PHACTR3: variants seen among roughly 807,000 people sequenced by gnomAD.
PHACTR3 encodes phosphatase and actin regulator 3.
A neutral mutation model predicts 66.8 loss-of-function variants in PHACTR3; 16 were observed. The ratio of observed to expected loss-of-function variants is 0.24; its 90% CI spans 0.16 to 0.36. The LOEUF (loss-of-function observed/expected upper bound fraction) is 0.36. Among genes scored for constraint, PHACTR3 ranks in the 10% least tolerant of loss-of-function variants. The pLI is 1.00. For synonymous variants in PHACTR3, 323 were observed against 292.1 expected (o/e 1.11, Z -1.08); for missense variants, 647 against 719.9 (o/e 0.90, Z 1.16).
At chr20:59,787,936 TACAC>T (rs1224631768) in intron 7 of PHACTR3, among the ~76,000 whole-genome samples, 1 of 152,158 alleles carries the variant, frequency 6.6e-6, no homozygotes, top group Admixed American at 6.5e-5. Context: ...CCATCTGAAA[TACAC>T]ACCCACAGAT....
intron 1 of PHACTR3, among the ~76,000 whole-genome samples, chr20:59,667,400 C>T (rs2036029580): frequency 1.3e-5 from 2 of 152,206 alleles, no homozygotes; most frequent in Non-Finnish European, 2.9e-5. Flanking sequence ...CCCAACTAGC[C>T]CGTCTCATTG....
chr20:59,673,855 C>A, intron 1 of PHACTR3, among the ~76,000 whole-genome samples: 1 of 152,270 alleles, frequency 6.6e-6, no homozygotes, highest in South Asian at 2.1e-4. Context: ...CACTCTGCCT[C>A]TCTGAGCCTT....
At chr20:59,612,913 C>A (rs773454217) in intron 1 of PHACTR3, among the ~76,000 whole-genome samples, 1 of 152,146 alleles carries the variant, frequency 6.6e-6, no homozygotes, top group East Asian at 1.9e-4. Flanking sequence ...GGGGAGCCAG[C>A]ACATCACACA....
chr20:59,737,489 C>CGT (rs148487053), intron 1 of PHACTR3, among the ~76,000 whole-genome samples: 14 of 150,386 alleles, frequency 9.3e-5, no homozygotes, highest in African/African-American at 3.4e-4. Flanking sequence ...CGTGCATGTG[C>CGT]GTGTGTGTGT....
chr20:59,799,197 C>T, intron 7 of PHACTR3, among the ~76,000 whole-genome samples: 1 of 7,384 alleles, frequency 1.4e-4, no homozygotes, highest in South Asian at 0.014. Context: ...ATTTCTGGTC[C>T]AAATATGTCC....
At chr20:59,654,130 A>G (rs1317482801) in intron 1 of PHACTR3, among the ~76,000 whole-genome samples, 2 of 152,244 alleles carry the variant, frequency 1.3e-5, no homozygotes, top group Non-Finnish European at 2.9e-5. Context: ...CAGAATTATA[A>G]AAATCTGTGC....
chr20:59,586,590 T>G (rs2033036124), intron 1 of PHACTR3, among the ~76,000 whole-genome samples: 1 of 152,212 alleles, frequency 6.6e-6, no homozygotes, highest in African/African-American at 2.4e-5. Flanking sequence ...TCCTCTTATT[T>G]GTAGATTACT....
chr20:59,722,016 G>A (rs1450385836), intron 1 of PHACTR3, among the ~76,000 whole-genome samples: 1 of 152,112 alleles, frequency 6.6e-6, no homozygotes, highest in African/African-American at 2.4e-5. Context: ...AGATCACAAG[G>A]TCAGGAGATC....
intron 3 of PHACTR3, among the ~76,000 whole-genome samples, chr20:59,750,651 C>T (rs965574948): frequency 6.6e-6 from 1 of 151,718 alleles, no homozygotes; most frequent in South Asian, 2.1e-4. Flanking sequence ...CACGCTGCTG[C>T]GGGAGCCTGG....
chr20:59,766,222 C>T (rs1243011412), intron 4 of PHACTR3, among the ~76,000 whole-genome samples: 1 of 152,168 alleles, frequency 6.6e-6, no homozygotes, highest in Admixed American at 6.5e-5. Flanking sequence ...AGCAGTCATG[C>T]AGAGCACCTG....
At chr20:59,734,294 G>T (rs909066989) in intron 1 of PHACTR3, among the ~76,000 whole-genome samples, 1 of 152,162 alleles carries the variant, frequency 6.6e-6, no homozygotes, top group African/African-American at 2.4e-5. Flanking sequence ...GTCTTGCTCT[G>T]TTGCCCAGGC....
intron 1 of PHACTR3, among the ~76,000 whole-genome samples, chr20:59,641,634 G>A (rs75744139): frequency 0.016 from 2,429 of 152,216 alleles, 60 homozygotes; most frequent in African/African-American, 0.056. Context: ...ACTCCCTCAT[G>A]GGCACCCAAA....
At chr20:59,622,659 G>A (rs543643046) in intron 1 of PHACTR3, among the ~76,000 whole-genome samples, 1 of 152,216 alleles carries the variant, frequency 6.6e-6, no homozygotes, top group East Asian at 1.9e-4. Context: ...ACACAGAGAG[G>A]CCGTGTGTGT....
At position 59,728,342 on chromosome 20, in the gene PHACTR3, G is replaced by A. The variant is rs182836714; in HGVS notation, c.119-14765G>A. Among the ~76,000 whole-genome samples, 205 of 152,168 alleles carry A rather than the reference G, an allele frequency of 1.3e-3. 1 individual carries two copies. The highest frequency in any genetic ancestry group is 2.5e-3 in the Non-Finnish European group (168 of 68,006). On this transcript the variant is annotated intron_variant, in intron 1 of 12. Transcript: ENST00000371015. ...TGCAGTCATTGTGGAAAACAATTGG[G>A]TGGTTCTTGGAAATGTGAAATATAG...
At chr20:59,737,372 G>A (rs2038982390) in intron 1 of PHACTR3, among the ~76,000 whole-genome samples, 1 of 152,208 alleles carries the variant, frequency 6.6e-6, no homozygotes. Context: ...TGGCACTGGA[G>A]ATACAGCTGC....
chr20:59,845,992 C>CA (rs1486445662), intron 12 of PHACTR3, among the ~76,000 whole-genome samples: 2 of 152,094 alleles, frequency 1.3e-5, no homozygotes, highest in Non-Finnish European at 2.9e-5. Flanking sequence ...TATTTCCCCC[C>CA]ACTTCTTTTC....
chr20:59,603,011 G>T (rs2033524338), upstream of PHACTR3, among the ~76,000 whole-genome samples: 1 of 152,188 alleles, frequency 6.6e-6, no homozygotes, highest in South Asian at 2.1e-4. Context: ...TCACCTACCA[G>T]GGCAGTTGTA....
chr20:59,661,355 G>A (rs1039045398), intron 1 of PHACTR3, among the ~76,000 whole-genome samples: 7 of 152,176 alleles, frequency 4.6e-5, no homozygotes, highest in African/African-American at 1.7e-4. Context: ...GAGTCTGGAA[G>A]GTGGGGAAGG....
chr20:59,727,920 A>T (rs557555730), intron 1 of PHACTR3, among the ~76,000 whole-genome samples: 1 of 152,322 alleles, frequency 6.6e-6, no homozygotes, highest in African/African-American at 2.4e-5. Context: ...TAGTGGTGTG[A>T]TGATTGCGTG....
Sources: gnomAD v4.1 joint callset for allele counts (sites outside exome capture counted in the v4.1 genomes callset) on GRCh38, gnomAD v4.1.1 for gene constraint, MANE v1.5 for transcripts, NCBI Gene and HGNC (gene_info 2026-07-23, HGNC 2026-07-21) for gene names.